The following KSR1 variants were observed in gnomAD, a reference collection of about 807,000 sequenced individuals.
The protein encoded by KSR1 is kinase suppressor of ras 1.
A neutral mutation model predicts 92.9 loss-of-function variants in KSR1; 35 were observed. The observed-to-expected ratio is 0.38, with a 90% CI of 0.29 to 0.50. The LOEUF (loss-of-function observed/expected upper bound fraction) is 0.50. Among genes scored for constraint, KSR1 ranks in the 20% least tolerant of loss-of-function variants. The probability of loss-of-function intolerance (pLI) is 0.94; values close to 1 mark genes in which losing one functional copy is unlikely to be tolerated. For missense variants in KSR1, 972 were observed against 1,158.5 expected (o/e 0.84, Z 2.34); for synonymous variants, 467 against 472.6 (o/e 0.99, Z 0.15).
chr17:27,625,635 C>G lies in KSR1; in HGVS notation c.*2243C>G, dbSNP rs1043220256. 2 of 152,186 alleles carry G rather than the reference C, an allele frequency of 1.3e-5. No individual in the cohort carries two copies. The highest frequency in any genetic ancestry group is 4.8e-5 in the African/African-American group (2 of 41,432). The allele number at this position is 152,186 out of a possible 1,614,324, so 9.4% of individuals were successfully genotyped here. A position where few individuals can be genotyped will look rare whatever the true frequency, so the allele number is the denominator to read the frequency against. ...CCCCATGATGGCCCCCTCTGTTCCC[C>G]TTGTATTTCAGTGACTGTGAATTGA... On this transcript the variant is annotated 3_prime_UTR_variant, in exon 21 of 21. Coordinates refer to ENST00000644974, the MANE Select transcript of KSR1 (RefSeq NM_001394583.1).
intron 1 of KSR1, among the ~76,000 whole-genome samples, chr17:27,482,877 T>C (rs999773659): frequency 2.0e-5 from 3 of 151,640 alleles, no homozygotes; most frequent in Admixed American, 1.3e-4. Context: ...CTTAACTTAT[T>C]TTCCTTTTTT....
rs1001985146 is a variant in KSR1 at position 27,559,923 on chromosome 17, G to A, written c.372+9215G>A. 6.6e-6 allele frequency among the ~76,000 whole-genome samples: 1 copy of A among 152,242 alleles called. No individual in the cohort carries two copies. The highest frequency in any genetic ancestry group is 1.9e-4 in the East Asian group (1 of 5,198). On this transcript the variant is annotated intron_variant, in intron 2 of 20. Coordinates refer to ENST00000644974, the MANE Select transcript of KSR1 (RefSeq NM_001394583.1). This position sits in a 1 kb window ranked among gnomAD's most constrained non-coding sequence, Gnocchi z 4.2. ...GTAGGGGTTGGGGCTCCTCTTAGGG[G>A]ATATTGGAAGTGTGTGTGAGAGAGG...
intron 11 of KSR1, among the ~76,000 whole-genome samples, chr17:27,603,577 TCCCCTGCCCAGAG>T (rs755474986): frequency 5.6e-4 from 85 of 151,884 alleles, no homozygotes; most frequent in South Asian, 2.1e-3. Context: ...CCTGCCCAGA[TCCCCTGCCCAGAG>T]CCCCTGCCCA....
At chr17:27,492,641 G>A (rs576538620) in intron 1 of KSR1, among the ~76,000 whole-genome samples, 5 of 152,282 alleles carry the variant, frequency 3.3e-5, no homozygotes, top group Admixed American at 6.5e-5. Flanking sequence ...CCTACTTGCT[G>A]TTTGCAGGGA....
intron 1 of KSR1, among the ~76,000 whole-genome samples, chr17:27,470,379 T>C (rs1346777662): frequency 6.6e-6 from 1 of 151,152 alleles, no homozygotes; most frequent in Non-Finnish European, 1.5e-5. Context: ...GTAGCTGGGA[T>C]TACACGTGCC....
chr17:27,500,484 C>T (rs2069138621), intron 1 of KSR1, among the ~76,000 whole-genome samples: 1 of 152,186 alleles, frequency 6.6e-6, no homozygotes, highest in Admixed American at 6.5e-5. Flanking sequence ...CACCTTGGGC[C>T]ATAGCAATAC....
chr17:27,541,075 A>G (rs964669908), intron 1 of KSR1, among the ~76,000 whole-genome samples: 3 of 152,232 alleles, frequency 2.0e-5, no homozygotes, highest in Admixed American at 2.0e-4. Context: ...GTAAGTTGCC[A>G]GGGCTTTGGT....
chr17:27,560,698 A>T (rs1009237505), intron 2 of KSR1, among the ~76,000 whole-genome samples: 4 of 152,150 alleles, frequency 2.6e-5, no homozygotes, highest in Admixed American at 6.5e-5. Context: ...GCGAACCCGC[A>T]TTTGGCTCCT....
At chr17:27,576,903 T>A (rs1056154729) in intron 2 of KSR1, among the ~76,000 whole-genome samples, 11 of 152,290 alleles carry the variant, frequency 7.2e-5, no homozygotes, top group Non-Finnish European at 1.6e-4. Context: ...TGCCACTTTC[T>A]TCACCGTATG....
intron 1 of KSR1, among the ~76,000 whole-genome samples, chr17:27,536,515 AG>A (rs1374243862): frequency 2.0e-5 from 3 of 152,202 alleles, no homozygotes; most frequent in Admixed American, 6.5e-5. Context: ...CACGCACTTC[AG>A]TCTGTCCTCC....
At chr17:27,595,579 C>T (rs1598109083) in intron 9 of KSR1, among the ~76,000 whole-genome samples, 1 of 152,304 alleles carries the variant, frequency 6.6e-6, no homozygotes, top group East Asian at 1.9e-4. Context: ...CTCTTTTTGG[C>T]CACAGGGAGA....
chr17:27,568,471 G>A (rs1598046222), intron 2 of KSR1, among the ~76,000 whole-genome samples: 1 of 152,376 alleles, frequency 6.6e-6, no homozygotes, highest in East Asian at 1.9e-4. Context: ...GGCCCTCACT[G>A]GCTGAATTCC....
At chr17:27,611,682 A>G in intron 18 of KSR1, 53 bp downstream of exon 18, 1 of 1,607,586 alleles carries the variant, frequency 6.2e-7, no homozygotes, top group Non-Finnish European at 8.5e-7. Context: ...GGGGTGGGGC[A>G]TGTGGCATGG....
chr17:27,456,895 G>T (rs2019194684), intron 1 of KSR1, 21 bp downstream of exon 1: 3 of 819,896 alleles, frequency 3.7e-6, no homozygotes, highest in Non-Finnish European at 6.4e-6. Flanking sequence ...CGGGGACCAG[G>T]CTGGGCTCGA....
At chr17:27,611,417 G>C (rs1356983800) in intron 17 of KSR1, 77 bp from the exon 18 acceptor site, 1 of 1,590,448 alleles carries the variant, frequency 6.3e-7, no homozygotes, top group Admixed American at 1.7e-5. Flanking sequence ...CTCTGGCTGG[G>C]CTATGGCTCA....
chr17:27,505,398 A>C (rs2069343179), intron 1 of KSR1, among the ~76,000 whole-genome samples: 2 of 152,240 alleles, frequency 1.3e-5, no homozygotes, highest in African/African-American at 4.8e-5. Flanking sequence ...AGGAGGGATT[A>C]GTTCTTCATC....
rs557899266 is a variant in KSR1, at chr17:27,552,653, T to A, written c.372+1945T>A. 1.8e-3 allele frequency among the ~76,000 whole-genome samples: 270 copies of A among 152,290 alleles called. 1 individual carries two copies. Among genetic ancestry groups the A allele is most frequent in the Middle Eastern group, 6.8e-3 (2 of 294 alleles). ...CCCTCTCCAGGAAGGCTAGGGCAAG[T>A]GACCCAAAGATTTCTTAGATGCAGT... On this transcript the variant is annotated intron_variant, in intron 2 of 20. Coordinates refer to ENST00000644974, the MANE Select transcript of KSR1 (RefSeq NM_001394583.1).
chr17:27,483,096 G>GT (rs2068556654), intron 1 of KSR1, among the ~76,000 whole-genome samples: 1 of 152,040 alleles, frequency 6.6e-6, no homozygotes, highest in South Asian at 2.1e-4. Flanking sequence ...ATGTGATGTG[G>GT]TTTGAGTCTA....
chr17:27,458,587 G>A (rs1298635105), intron 1 of KSR1, among the ~76,000 whole-genome samples: 1 of 152,186 alleles, frequency 6.6e-6, no homozygotes, highest in Admixed American at 6.5e-5. Context: ...AGAGCATCCA[G>A]CTATTTAAGT....
Sources: gnomAD v4.1 joint callset for allele counts (sites outside exome capture counted in the v4.1 genomes callset) on GRCh38, gnomAD v4.1.1 for gene constraint, Gnocchi (gnomAD v3.1) non-coding constraint, MANE v1.5 for transcripts, NCBI Gene and HGNC (gene_info 2026-07-23, HGNC 2026-07-21) for gene names.